The following ARMH4 variants were observed in gnomAD, a reference collection of about 807,000 sequenced individuals.
ARMH4 encodes the protein armadillo like helical domain containing 4, also known as armadillo-like helical domain-containing protein 4.
Under a neutral mutation model 61.9 loss-of-function variants are expected in ARMH4, and 49 were observed. The observed-to-expected ratio is 0.79, with a 90% CI of 0.63 to 1.00. The LOEUF (loss-of-function observed/expected upper bound fraction) is 1.00. ARMH4 is among the 50% of genes least tolerant of loss of function. The pLI is 0.00. For synonymous variants in ARMH4, 368 were observed against 341.5 expected, an observed-to-expected ratio of 1.08 and a Z score of -0.85; for missense variants, 934 against 930.0, an observed-to-expected ratio of 1.00 and a Z score of -0.06.
chr14:58,099,627 G>A (rs1885888059), intron 4 of ARMH4, among the ~76,000 whole-genome samples: 1 of 152,184 alleles, frequency 6.6e-6, no homozygotes, highest in Admixed American at 6.5e-5. Flanking sequence ...GCTAAAAGGA[G>A]AACAGAGAAA....
chr14:58,007,602 TTAAC>T (rs1210462032), intron 6 of ARMH4, among the ~76,000 whole-genome samples: 1 of 152,210 alleles, frequency 6.6e-6, no homozygotes, highest in African/African-American at 2.4e-5. Flanking sequence ...AAGATATAAT[TTAAC>T]TATTCTTCTT....
In ARMH4 at chr14:58,082,804, C is replaced by T. The variant is rs945598663; in HGVS notation, c.2089+13920G>A. ...TGGGGCTTGCCTTCCTTGAGAAAGT[C>T]CACCCCTGAAAATGCTAAGTGTTCA... On this transcript the variant is annotated intron_variant, in intron 5 of 7. Coordinates refer to ENST00000267485, the MANE Select transcript of ARMH4 (RefSeq NM_001001872.4). Among the ~76,000 whole-genome samples, 7 of 152,146 alleles carry T rather than the reference C, an allele frequency of 4.6e-5. No individual in the cohort carries two copies. The East Asian group carries it at 1.3e-3, about 29-fold the overall frequency.
At chr14:58,134,408 G>C (rs1434149074) in intron 2 of ARMH4, among the ~76,000 whole-genome samples, 2 of 152,076 alleles carry the variant, frequency 1.3e-5, no homozygotes, top group Non-Finnish European at 2.9e-5. Context: ...ATAATACTCT[G>C]CTTTCTCTTC....
Position 58,138,179 on chromosome 14 carries a change from C to T in ARMH4, c.1180G>A (p.Asp394Asn), listed in dbSNP as rs765276741. 2 of 1,614,140 alleles carry T rather than the reference C, an allele frequency of 1.2e-6. No individual in the cohort carries two copies. Among genetic ancestry groups the T allele is most frequent in the East Asian group, 4.5e-5 (2 of 44,876 alleles). ...CTTGTGGGGGTAAAGGAACTTTGAT[C>T]AGTGAAAGCAGGTGATCTCTCATTC... The part of the protein sequence containing the change: ...HGNERSPAFT[D>N]QSSFTPTSLM... Residue 394 changes from aspartate (D) to asparagine (N), a missense_variant, in exon 2 of 8, where the codon GAT becomes AAT. Asp to Asn is a conservative substitution (Grantham distance 23, BLOSUM62 1). Coordinates refer to ENST00000267485, the MANE Select transcript of ARMH4 (RefSeq NM_001001872.4).
At chr14:58,132,647 G>A (rs895271470) in intron 3 of ARMH4, among the ~76,000 whole-genome samples, 2 of 141,462 alleles carry the variant, frequency 1.4e-5, no homozygotes, top group African/African-American at 2.6e-5. Flanking sequence ...GTGCAGTGGC[G>A]CCATCTCCGC....
chr14:58,073,759 C>G (rs1355688904), intron 5 of ARMH4, among the ~76,000 whole-genome samples: 2 of 152,132 alleles, frequency 1.3e-5, no homozygotes, highest in Non-Finnish European at 2.9e-5. Flanking sequence ...AGGAAACCAC[C>G]CGGAAGCCCT....
intron 1 of ARMH4, among the ~76,000 whole-genome samples, chr14:58,147,514 C>T (rs1357344430): frequency 6.6e-6 from 1 of 152,042 alleles, no homozygotes; most frequent in Non-Finnish European, 1.5e-5. Flanking sequence ...GGCATTTCAC[C>T]ATGTTGGCCA....
intron 5 of ARMH4, among the ~76,000 whole-genome samples, chr14:58,045,456 C>G (rs1883900786): frequency 6.6e-6 from 1 of 152,038 alleles, no homozygotes; most frequent in East Asian, 1.9e-4. Context: ...ACACCGGGCC[C>G]TGTTGTGGGG....
chr14:58,073,789 AC>A (rs1466572392), intron 5 of ARMH4, among the ~76,000 whole-genome samples: 1 of 152,194 alleles, frequency 6.6e-6, no homozygotes, highest in Non-Finnish European at 1.5e-5. Context: ...CTTTCTGCTC[AC>A]TATCTGTGCT....
At chr14:58,038,524 C>A in intron 5 of ARMH4, among the ~76,000 whole-genome samples, 1 of 120,004 alleles carries the variant, frequency 8.3e-6, no homozygotes, top group African/African-American at 3.1e-5. Flanking sequence ...GCACAATGTG[C>A]ACATGTACCC....
intron 5 of ARMH4, among the ~76,000 whole-genome samples, chr14:58,093,813 T>C (rs10144575): frequency 0.5 from 76,228 of 151,956 alleles, 19,390 homozygotes; most frequent in Middle Eastern, 0.52. Flanking sequence ...GAAGAACAGT[T>C]TGAAATATTT....
intron 5 of ARMH4, among the ~76,000 whole-genome samples, chr14:58,092,560 TA>T (rs1885605249): frequency 6.6e-6 from 1 of 152,184 alleles, no homozygotes; most frequent in African/African-American, 2.4e-5. Context: ...CTCACTGAGC[TA>T]AAACCAAGTT....
At chr14:58,064,295 C>T (rs1364824435) in intron 5 of ARMH4, among the ~76,000 whole-genome samples, 2 of 152,114 alleles carry the variant, frequency 1.3e-5, no homozygotes, top group African/African-American at 2.4e-5. Context: ...AAAGAATAAG[C>T]AGAAGATAGT....
chr14:58,126,575 A>G (rs994738083), intron 4 of ARMH4, among the ~76,000 whole-genome samples: 1 of 152,194 alleles, frequency 6.6e-6, no homozygotes, highest in African/African-American at 2.4e-5. Context: ...CAGATTAAAC[A>G]ATGAGTGGCA....
chr14:58,134,903 C>T (rs965348069), intron 2 of ARMH4, among the ~76,000 whole-genome samples: 1 of 149,028 alleles, frequency 6.7e-6, no homozygotes, highest in Non-Finnish European at 1.5e-5. Flanking sequence ...GTTGCAATGA[C>T]CTGAGATCAT....
Position 58,138,454 on chromosome 14 carries a change from G to C in ARMH4, c.905C>G (p.Thr302Arg). The C allele has an allele frequency of 6.2e-7, 1 of 1,614,254 alleles. No individual in the cohort carries two copies. Among genetic ancestry groups the C allele is most frequent in the Non-Finnish European group, 8.5e-7 (1 of 1,180,046 alleles). Residue 302 changes from threonine to arginine, a missense_variant, in exon 2 of 8, where the codon ACA (threonine) becomes AGA (arginine). By Grantham distance (71) the Thr-to-Arg change is moderately conservative. Coordinates refer to ENST00000267485, the MANE Select transcript of ARMH4 (RefSeq NM_001001872.4). Reference sequence around the variant, plus strand: ...TAAGGCAGAGGCAGCTGGAACAGCTGTGCTGACACTCACTGTGACTTCTGG... The same window carrying C: ...TAAGGCAGAGGCAGCTGGAACAGCTCTGCTGACACTCACTGTGACTTCTGG... ...GAPEVTVSVS[T>R]AVPAASALSD...
Position 58,133,187 on chromosome 14 carries a change from A to G in ARMH4, c.1524T>C (p.Pro508=). 6.2e-7 allele frequency: 1 copy of G among 1,614,180 alleles called. No individual in the cohort carries two copies. The highest frequency in any genetic ancestry group is 8.5e-7 in the Non-Finnish European group (1 of 1,180,034). The change falls in exon 3 of 8, where the codon CCT becomes CCC. Residue 508 remains proline (P), a synonymous_variant. Coordinates refer to ENST00000267485, the MANE Select transcript of ARMH4 (RefSeq NM_001001872.4). ...KEDPSPVSDV[P]GVTQLSRRWE... ...ATCTTCTTGACAGCTGAGTAACACC[A>G]GGAACGTCAGACACAGGAGAGGGGT...
intron 1 of ARMH4, among the ~76,000 whole-genome samples, chr14:58,145,496 T>G (rs2139998806): frequency 6.6e-6 from 1 of 152,270 alleles, no homozygotes; most frequent in Admixed American, 6.5e-5. Context: ...GAGAAAAATT[T>G]TACAAACAAA....
chr14:58,116,121 T>C (rs1886511066), intron 4 of ARMH4: 1 of 152,782 alleles, frequency 6.5e-6, no homozygotes, highest in Non-Finnish European at 1.5e-5. Context: ...GTTCTCTCCT[T>C]GTTAAATGCC....
Sources: gnomAD v4.1 joint callset for allele counts (sites outside exome capture counted in the v4.1 genomes callset) on GRCh38, gnomAD v4.1.1 for gene constraint, MANE v1.5 for transcripts, NCBI Gene and HGNC (gene_info 2026-07-23, HGNC 2026-07-21) for gene names.